Variants in PRRG4 observed in about 807,000 individuals in gnomAD.
The protein encoded by PRRG4 is proline rich and Gla domain 4.
PRRG4 carries 12 observed loss-of-function variants against 20.0 expected under a neutral mutation model. That is an observed-to-expected ratio of 0.60 (90% CI 0.38 to 0.97). PRRG4 has a LOEUF of 0.97. PRRG4 is among the 50% of genes least tolerant of loss of function. The pLI is 0.00. For missense variants in PRRG4, 199 were observed against 265.1 expected (o/e 0.75, Z 1.73); for synonymous variants, 94 against 96.4 (o/e 0.98, Z 0.15).
chr11:32,851,828 T>C (rs1851185402), intron 5 of PRRG4, among the ~76,000 whole-genome samples: 1 of 152,224 alleles, frequency 6.6e-6, no homozygotes, highest in African/African-American at 2.4e-5. Context: ...GATGTTTTGA[T>C]ACAGGCATGC....
At chr11:32,851,500 C>T (rs1262079868) in intron 5 of PRRG4, among the ~76,000 whole-genome samples, 6 of 152,162 alleles carry the variant, frequency 3.9e-5, no homozygotes, top group African/African-American at 1.4e-4. Flanking sequence ...TCAGTCACCT[C>T]TCAACTATTG....
rs1450152869 is a variant in PRRG4, at chr11:32,838,896, G to A, written c.282G>A (p.Gln94=). ...VDEDKTIAFW[Q]EYSAKGPTTK... Reference sequence around the variant, plus strand: ...CTTTTTTTTAGATTGCATTTTGGCAGGAATATTCAGCTAAAGGACCAACCA... The same window carrying A: ...CTTTTTTTTAGATTGCATTTTGGCAAGAATATTCAGCTAAAGGACCAACCA... The change falls in exon 4 of 6, where the codon CAG becomes CAA. Residue 94 remains glutamine (Q), a synonymous_variant. Coordinates refer to ENST00000257836, the MANE Select transcript of PRRG4 (RefSeq NM_024081.6). The A allele has an allele frequency of 6.2e-7, 1 of 1,609,878 alleles. No homozygotes were observed. Among genetic ancestry groups the A allele is most frequent in the South Asian group, 1.1e-5 (1 of 90,854 alleles).
rs188666321 is a variant in PRRG4, at chr11:32,857,608, T to G, written c.*4081T>G. ...TTTTCTACTTCTCAGATAATTTATG[T>G]GTGTGTACTCTTCCTAGACGTACAA... On this transcript the variant is annotated 3_prime_UTR_variant, in exon 6 of 6. Transcript: ENST00000257836. The G allele has an allele frequency of 5.2e-5, 8 of 152,384 alleles. No individual in the cohort carries two copies. Among genetic ancestry groups the G allele is most frequent in the Non-Finnish European group, 8.8e-5 (6 of 68,044 alleles). The allele number at this position is 152,384 out of a possible 1,614,324, so 9.4% of individuals were successfully genotyped here.
chr11:32,843,430 A>G (rs1851097812), intron 5 of PRRG4, among the ~76,000 whole-genome samples: 1 of 151,820 alleles, frequency 6.6e-6, no homozygotes, highest in African/African-American at 2.4e-5. Flanking sequence ...TTCTATGCAT[A>G]TACTATTCAG....
intron 5 of PRRG4, among the ~76,000 whole-genome samples, chr11:32,843,635 T>C (rs1851100013): frequency 6.6e-6 from 1 of 152,108 alleles, no homozygotes; most frequent in African/African-American, 2.4e-5. Flanking sequence ...GTAAAATATA[T>C]GTAACATAAA....
intron 5 of PRRG4, among the ~76,000 whole-genome samples, chr11:32,842,174 G>A (rs1232597490): frequency 1.3e-5 from 2 of 152,032 alleles, no homozygotes; most frequent in Non-Finnish European, 2.9e-5. Flanking sequence ...AAAATAGAAT[G>A]ACATGTATAG....
In PRRG4 at chr11:32,840,029, C is replaced by A; in HGVS notation, c.317-78C>A. ...TAGATGCTGTATAATGTGTTTAGAA[C>A]CAGGATTAAATTTGTTGAAATCATA... On this transcript the variant is annotated intron_variant, in intron 4 of 5. Transcript: ENST00000257836. This position sits in a 1 kb window ranked among gnomAD's most constrained non-coding sequence, Gnocchi z 4.1. 9.2e-7 allele frequency: 1 copy of A among 1,082,954 alleles called. No individual in the cohort carries two copies. The highest frequency in any genetic ancestry group is 1.4e-6 in the Non-Finnish European group (1 of 721,302). 67.1% of individuals were successfully genotyped at this position (1,082,954 alleles called of 1,614,324 possible). A position where few individuals can be genotyped will look rare whatever the true frequency, so the allele number is the denominator to read the frequency against.
chr11:32,846,922 T>C (rs1851135908), intron 5 of PRRG4, among the ~76,000 whole-genome samples: 5 of 151,340 alleles, frequency 3.3e-5, no homozygotes, highest in Admixed American at 3.3e-4. Flanking sequence ...TGCTTGAACC[T>C]GGGAGGCAGA....
intron 5 of PRRG4, among the ~76,000 whole-genome samples, chr11:32,849,514 A>C (rs964392624): frequency 6.6e-6 from 1 of 151,938 alleles, no homozygotes; most frequent in African/African-American, 2.4e-5. Flanking sequence ...AATACAAAAA[A>C]TTAGCCAGGC....
At chr11:32,837,732 T>TC (rs1161264213) in intron 3 of PRRG4, among the ~76,000 whole-genome samples, 1 of 151,828 alleles carries the variant, frequency 6.6e-6, no homozygotes, top group African/African-American at 2.4e-5. Flanking sequence ...TAATTTTTTG[T>TC]ATTTTAGTAG....
chr11:32,829,864 T>A, upstream of PRRG4: 2 of 985,484 alleles, frequency 2.0e-6, no homozygotes, highest in Non-Finnish European at 2.4e-6. Flanking sequence ...TCGCCGCAGG[T>A]AGGCCCGGCC....
intron 5 of PRRG4, among the ~76,000 whole-genome samples, chr11:32,852,939 ATTTTT>A (rs34615143): frequency 1.0e-5 from 1 of 99,122 alleles, no homozygotes. Context: ...TGCCCGGCTA[ATTTTT>A]TTTTTTTTTT....
rs1034146637 is a variant in PRRG4 at position 32,854,852 on chromosome 11, T to C, written c.*1325T>C. 11 of 152,184 alleles carry C rather than the reference T, an allele frequency of 7.2e-5. No homozygotes were observed. The highest frequency in any genetic ancestry group is 1.0e-4 in the Non-Finnish European group (7 of 68,032). 9.4% of individuals were successfully genotyped at this position (152,184 alleles called of 1,614,324 possible). On this transcript the variant is annotated 3_prime_UTR_variant, in exon 6 of 6. Transcript: ENST00000257836. Reference sequence around the variant, plus strand: ...GCTATGAAGTTAGTTCTTCAGAAGATACAAGTTTGCAATGAAAAGGATTTG... The same window carrying C: ...GCTATGAAGTTAGTTCTTCAGAAGACACAAGTTTGCAATGAAAAGGATTTG...
rs112122972 is a variant in PRRG4, at chr11:32,830,161, C to T, written c.-35C>T. 0.018 allele frequency: 18,652 copies of T among 1,021,544 alleles called. 209 individuals carry two copies. Among genetic ancestry groups the T allele is most frequent in the Non-Finnish European group, 0.02 (17,137 of 854,322 alleles). 63.3% of individuals were successfully genotyped at this position (1,021,544 alleles called of 1,614,324 possible). ...GGCCCGGGGGCTGCTGGAACATGTG[C>T]GGGGGGACACAGGTACGAGGCCTGG... On this transcript the variant is annotated 5_prime_UTR_variant, in exon 1 of 6. Coordinates refer to ENST00000257836, the MANE Select transcript of PRRG4 (RefSeq NM_024081.6).
chr11:32,830,693 G>T (rs762827797), intron 2 of PRRG4, 61 bp downstream of exon 2: 1 of 1,607,630 alleles, frequency 6.2e-7, no homozygotes, highest in Non-Finnish European at 8.5e-7. Flanking sequence ...GTGAGAAAGT[G>T]CAGTATTTGA....
At position 32,840,004 on chromosome 11, in the gene PRRG4, T is replaced by TAG. The variant is rs1276919103; in HGVS notation, c.317-101_317-100dup. On this transcript the variant is annotated intron_variant, in intron 4 of 5. Coordinates refer to ENST00000257836, the MANE Select transcript of PRRG4 (RefSeq NM_024081.6). This position sits in a 1 kb window ranked among gnomAD's most constrained non-coding sequence, Gnocchi z 4.1. The stretch of plus-strand genomic sequence containing the variant: ...CTTGAAAGAAGTCAACATCAATGAT[T>TAG]AGATGCTGTATAATGTGTTTAGAAC... 6.6e-6 allele frequency: 5 copies of TAG among 755,876 alleles called. No homozygotes were observed. Among genetic ancestry groups the TAG allele is most frequent in the Non-Finnish European group, 1.0e-5 (5 of 489,310 alleles). The allele number at this position is 755,876 out of a possible 1,614,324, so 46.8% of individuals were successfully genotyped here.
Position 32,853,707 on chromosome 11 carries a change from A to G in PRRG4, c.*180A>G. The G allele has an allele frequency of 1.9e-6, 1 of 538,160 alleles. No individual in the cohort carries two copies. Among genetic ancestry groups the G allele is most frequent in the East Asian group, 3.2e-5 (1 of 30,774 alleles). 33.3% of individuals were successfully genotyped at this position (538,160 alleles called of 1,614,324 possible). On this transcript the variant is annotated 3_prime_UTR_variant, in exon 6 of 6. Transcript: ENST00000257836. ...CCTAGGCGTCATGGGGCATGCCTGTAGTCCCACCTACTTGGGAGGCTGAAG... is the reference window on the plus strand; with the variant it reads ...CCTAGGCGTCATGGGGCATGCCTGTGGTCCCACCTACTTGGGAGGCTGAAG...
intron 2 of PRRG4, among the ~76,000 whole-genome samples, chr11:32,832,479 C>CTTTTT (rs555430349): frequency 1.6e-5 from 2 of 121,264 alleles, no homozygotes; most frequent in Non-Finnish European, 1.6e-5. Flanking sequence ...TGGTGAAATT[C>CTTTTT]TTTTTTTTTT....
rs1053708805 is a variant in PRRG4, at chr11:32,857,722, A to G, written c.*4195A>G. 6.6e-6 allele frequency: 1 copy of G among 152,226 alleles called. No individual in the cohort carries two copies. Among genetic ancestry groups the G allele is most frequent in the Non-Finnish European group, 1.5e-5 (1 of 68,040 alleles). The allele number at this position is 152,226 out of a possible 1,614,324, so 9.4% of individuals were successfully genotyped here. A position where few individuals can be genotyped will look rare whatever the true frequency, so the allele number is the denominator to read the frequency against. On this transcript the variant is annotated 3_prime_UTR_variant, in exon 6 of 6. Transcript: ENST00000257836. ...TTGTTTTTGTTTTAATTGAATGTGAATTAAATTTTTATTAGTTATTTGATT... is the reference window on the plus strand; with the variant it reads ...TTGTTTTTGTTTTAATTGAATGTGAGTTAAATTTTTATTAGTTATTTGATT...
Sources: gnomAD v4.1 joint callset for allele counts (sites outside exome capture counted in the v4.1 genomes callset) on GRCh38, gnomAD v4.1.1 for gene constraint, Gnocchi (gnomAD v3.1) non-coding constraint, MANE v1.5 for transcripts, NCBI Gene and HGNC (gene_info 2026-07-23, HGNC 2026-07-21) for gene names.